POU3F2: variants seen among roughly 807,000 people sequenced by gnomAD.
POU3F2 encodes the protein POU domain, class 3, transcription factor 2.
POU3F2 carries 11 observed loss-of-function variants against 33.1 expected under a neutral mutation model. That is an observed-to-expected ratio of 0.33 (90% CI 0.21 to 0.55). POU3F2 has a LOEUF of 0.55. POU3F2 is among the 20% of genes least tolerant of loss of function. The probability of loss-of-function intolerance (pLI) is 0.91; values close to 1 mark genes in which losing one functional copy is unlikely to be tolerated. For synonymous variants in POU3F2, 332 were observed against 289.6 expected, an observed-to-expected ratio of 1.15 and a Z score of -1.49; for missense variants, 456 against 620.2, an observed-to-expected ratio of 0.74 and a Z score of 2.81.
chr6:98,837,492 G>C lies in POU3F2; in HGVS notation c.*1287G>C, dbSNP rs1204635835. The C allele has an allele frequency of 6.0e-6, 1 of 166,778 alleles. No homozygotes were observed. Among genetic ancestry groups the C allele is most frequent in the Non-Finnish European group, 1.5e-5 (1 of 68,076 alleles). The allele number at this position is 166,778 out of a possible 1,614,324, so 10.3% of individuals were successfully genotyped here. A position where few individuals can be genotyped will look rare whatever the true frequency, so the allele number is the denominator to read the frequency against. The stretch of plus-strand genomic sequence containing the variant: ...TGTATGCATAAGACTGTGTTTTTTA[G>C]CACACAGATACCCACAGCATACACT... On this transcript the variant is annotated 3_prime_UTR_variant, in exon 1 of 1. Transcript: ENST00000328345.
Position 98,836,836 on chromosome 6 carries a change from G to C in POU3F2, c.*631G>C, listed in dbSNP as rs1332022101. On this transcript the variant is annotated 3_prime_UTR_variant, in exon 1 of 1. Transcript: ENST00000328345. ...GTTTTGGGGGATTTTGTTTTGCTTT[G>C]CTTTATTCATCGGAGAGAGTTGAAG... is the stretch of plus-strand genomic sequence containing the variant. The C allele has an allele frequency of 1.8e-5, 3 of 166,980 alleles. No individual in the cohort carries two copies. The highest frequency in any genetic ancestry group is 2.1e-4 in the South Asian group (1 of 4,818). The allele number at this position is 166,980 out of a possible 1,614,324, so 10.3% of individuals were successfully genotyped here. A position where few individuals can be genotyped will look rare whatever the true frequency, so the allele number is the denominator to read the frequency against.
In POU3F2 at chr6:98,837,498, AG is replaced by A. The variant is rs878951070; in HGVS notation, c.*1294del. The A allele has an allele frequency of 6.6e-5, 11 of 167,124 alleles. No individual in the cohort carries two copies. The East Asian group carries it at 9.6e-4, about 15-fold the overall frequency. 10.4% of individuals were successfully genotyped at this position (167,124 alleles called of 1,614,324 possible). A position where few individuals can be genotyped will look rare whatever the true frequency, so the allele number is the denominator to read the frequency against. ...CATAAGACTGTGTTTTTTAGCACACAGATACCCACAGCATACACTGACGATC... is the reference window on the plus strand; with the variant it reads ...CATAAGACTGTGTTTTTTAGCACACAATACCCACAGCATACACTGACGATC... On this transcript the variant is annotated 3_prime_UTR_variant, in exon 1 of 1. Transcript: ENST00000328345.
In POU3F2 at chr6:98,835,671, C is replaced by A; in HGVS notation, c.798C>A (p.Thr266=). 1 of 1,613,544 alleles carries A rather than the reference C, an allele frequency of 6.2e-7. No homozygotes were observed. Among genetic ancestry groups the A allele is most frequent in the South Asian group, 1.1e-5 (1 of 91,084 alleles). ...HDPHSDEDTP[T]SDDLEQFAKQ... The stretch of plus-strand genomic sequence containing the variant: ...CGCACTCGGACGAGGACACGCCGAC[C>A]TCGGACGACCTGGAGCAGTTCGCCA... The change falls in exon 1 of 1, where the codon ACC becomes ACA. Residue 266 remains threonine (T), a synonymous_variant. Transcript: ENST00000328345. The surrounding 1 kb of genome is among the most constrained non-coding windows in gnomAD (Gnocchi z 9.7).
Position 98,835,964 on chromosome 6 carries a change from G to A in POU3F2, c.1091G>A (p.Ser364Asn). 1.2e-6 allele frequency: 2 copies of A among 1,614,196 alleles called. No individual in the cohort carries two copies. The highest frequency in any genetic ancestry group is 1.7e-6 in the Non-Finnish European group (2 of 1,180,028). The part of the protein sequence containing the change: ...KRKKRTSIEV[S>N]VKGALESHFL... ...AAAAAGCGGACCTCCATCGAGGTGA[G>A]CGTCAAGGGGGCTCTGGAGAGCCAT... The change falls in exon 1 of 1, where the codon AGC becomes AAC. Residue 364 changes from serine to asparagine, a missense_variant. Physicochemically the swap from Ser to Asn is conservative, Grantham distance 46. Coordinates refer to ENST00000328345, the MANE Select transcript of POU3F2 (RefSeq NM_005604.4). The surrounding 1 kb of genome is among the most constrained non-coding windows in gnomAD (Gnocchi z 9.7).
Position 98,834,805 on chromosome 6 carries a change from C to T in POU3F2, c.-69C>T, listed in dbSNP as rs1398865746. The stretch of plus-strand genomic sequence containing the variant: ...AAAGAGCGAGCGAGGAGAGGGAGCC[C>T]GAGGCGAAAAAGTAACTGTCAAATG... On this transcript the variant is annotated 5_prime_UTR_variant, in exon 1 of 1. Coordinates refer to ENST00000328345, the MANE Select transcript of POU3F2 (RefSeq NM_005604.4). The T allele has an allele frequency of 3.1e-5, 47 of 1,528,070 alleles. No individual in the cohort carries two copies. Among genetic ancestry groups the T allele is most frequent in the Non-Finnish European group, 4.0e-5 (45 of 1,133,358 alleles). The allele number at this position is 1,528,070 out of a possible 1,614,324, so 94.7% of individuals were successfully genotyped here.
At position 98,834,919 on chromosome 6, in the gene POU3F2, G is replaced by C. The variant is rs768389252; in HGVS notation, c.46G>C (p.Ala16Pro). Residue 16 changes from alanine (A) to proline (P), a missense_variant, in exon 1 of 1, where the codon GCC becomes CCC. By Grantham distance (27) the Ala-to-Pro change is conservative. Around this residue, in one of 6 missense-constraint regions of POU3F2, gnomAD observed 341 missense variants for 382.4 expected, o/e 0.89. Transcript: ENST00000328345. ...CCACTACAGCCTGCTCACCTCCAGC[G>C]CCTCCATCGTGCACGCCGAGCCGCC... ...SNHYSLLTSSASIVHAEPPGG... is the reference protein window; with the variant it reads ...SNHYSLLTSSPSIVHAEPPGG... The C allele has an allele frequency of 3.1e-6, 5 of 1,600,486 alleles. No individual in the cohort carries two copies. The highest frequency in any genetic ancestry group is 1.3e-5 in the African/African-American group (1 of 74,972).
rs1401539715 is a variant in POU3F2, at chr6:98,837,692, A to T, written c.*1487A>T. 1 of 166,982 alleles carries T rather than the reference A, an allele frequency of 6.0e-6. No individual in the cohort carries two copies. Among genetic ancestry groups the T allele is most frequent in the African/African-American group, 2.4e-5 (1 of 41,366 alleles). The allele number at this position is 166,982 out of a possible 1,614,324, so 10.3% of individuals were successfully genotyped here. ...GAAGGCAAATGAAGTGAAAAAAAAA[A>T]ATGCCATTTTCAATCCTTCCTTTCT... is the stretch of plus-strand genomic sequence containing the variant. On this transcript the variant is annotated 3_prime_UTR_variant, in exon 1 of 1. Transcript: ENST00000328345.
At position 98,835,073 on chromosome 6, in the gene POU3F2, ACGGCGGCGGCGGCGGGGGCGGTGG is replaced by A; in HGVS notation, c.210_233del (p.Gly81_Gly88del). 1 of 1,218,292 alleles carries A rather than the reference ACGGCGGCGGCGGCGGGGGCGGTGG, an allele frequency of 8.2e-7. No homozygotes were observed. The highest frequency in any genetic ancestry group is 3.8e-5 in the South Asian group (1 of 26,002). The allele number at this position is 1,218,292 out of a possible 1,614,324, so 75.5% of individuals were successfully genotyped here. ...CACCAGTGGATCACCGCGCTGTCCC[ACGGCGGCGGCGGCGGGGGCGGTGG>A]CGGCGGCGGGGGGGGCGGGGGCGGC... is the stretch of plus-strand genomic sequence containing the variant. On this transcript the variant is annotated inframe_deletion, in exon 1 of 1. Coordinates refer to ENST00000328345, the MANE Select transcript of POU3F2 (RefSeq NM_005604.4). This position sits in a 1 kb window ranked among gnomAD's most constrained non-coding sequence, Gnocchi z 9.7.
In POU3F2 at chr6:98,836,792, C is replaced by A. The variant is rs1187492326; in HGVS notation, c.*587C>A. 1.8e-5 allele frequency: 3 copies of A among 166,976 alleles called. No individual in the cohort carries two copies. The allele number at this position is 166,976 out of a possible 1,614,324, so 10.3% of individuals were successfully genotyped here. A position where few individuals can be genotyped will look rare whatever the true frequency, so the allele number is the denominator to read the frequency against. On this transcript the variant is annotated 3_prime_UTR_variant, in exon 1 of 1. Transcript: ENST00000328345. ...GAGCATATTTTCTCTTTCTCCCCAC[C>A]GTTAATTTGGGAGTTGCCGTTTTGG... is the stretch of plus-strand genomic sequence containing the variant.
In POU3F2 at chr6:98,835,163, C is replaced by A; in HGVS notation, c.290C>A (p.Pro97His). The A allele has an allele frequency of 2.0e-6, 3 of 1,470,450 alleles. No individual in the cohort carries two copies. The highest frequency in any genetic ancestry group is 2.7e-6 in the Non-Finnish European group (3 of 1,115,440). 91.1% of individuals were successfully genotyped at this position (1,470,450 alleles called of 1,614,324 possible). A position where few individuals can be genotyped will look rare whatever the true frequency, so the allele number is the denominator to read the frequency against. Residue 97 changes from proline (P) to histidine (H), a missense_variant, in exon 1 of 1, where the codon CCC becomes CAC. Around this residue, in one of 6 missense-constraint regions of POU3F2, gnomAD observed 341 missense variants for 382.4 expected, o/e 0.89. Transcript: ENST00000328345. The surrounding 1 kb of genome is among the most constrained non-coding windows in gnomAD (Gnocchi z 9.7). ...GGDGSPWSTS[P>H]LGQPDIKPSV... ...GACGGCTCCCCGTGGTCCACCAGCCCCCTGGGCCAGCCGGACATCAAGCCC... is the reference window on the plus strand; with the variant it reads ...GACGGCTCCCCGTGGTCCACCAGCCACCTGGGCCAGCCGGACATCAAGCCC...
Position 98,835,332 on chromosome 6 carries a change from T to C in POU3F2, c.459T>C (p.His153=). 1 of 1,545,682 alleles carries C rather than the reference T, an allele frequency of 6.5e-7. No individual in the cohort carries two copies. The highest frequency in any genetic ancestry group is 8.7e-7 in the Non-Finnish European group (1 of 1,145,828). ...QQQQQQQRPP[H]LVHHAANHHP... is the part of the protein sequence containing the mutation. ...AGCAGCAGCAACAGCGGCCGCCGCA[T>C]CTGGTGCACCACGCCGCTAACCACC... Residue 153 remains histidine, a synonymous_variant, in exon 1 of 1, where the codon CAT becomes CAC. Transcript: ENST00000328345. This position sits in a 1 kb window ranked among gnomAD's most constrained non-coding sequence, Gnocchi z 9.7.
Position 98,835,425 on chromosome 6 carries a change from C to T in POU3F2, c.552C>T (p.Ser184=). ...AAHLPPSMGA[S]NGGLLYSQPS... ...ACCTCCCACCCTCCATGGGAGCGTC[C>T]AACGGCGGCTTGCTCTACTCGCAGC... The change falls in exon 1 of 1, where the codon TCC becomes TCT. Residue 184 remains serine, a synonymous_variant. Transcript: ENST00000328345. The surrounding 1 kb of genome is among the most constrained non-coding windows in gnomAD (Gnocchi z 9.7). 4 of 1,588,364 alleles carry T rather than the reference C, an allele frequency of 2.5e-6. No individual in the cohort carries two copies. The highest frequency in any genetic ancestry group is 3.4e-6 in the Non-Finnish European group (4 of 1,171,766).
In POU3F2 at chr6:98,835,061, C is replaced by T; in HGVS notation, c.188C>T (p.Thr63Ile). 7.8e-7 allele frequency: 1 copy of T among 1,283,132 alleles called. No individual in the cohort carries two copies. Among genetic ancestry groups the T allele is most frequent in the Non-Finnish European group, 9.8e-7 (1 of 1,016,494 alleles). 79.5% of individuals were successfully genotyped at this position (1,283,132 alleles called of 1,614,324 possible). The change falls in exon 1 of 1, where the codon ACC (threonine) becomes ATC (isoleucine). Residue 63 changes from threonine to isoleucine, a missense_variant. Thr to Ile is a moderately conservative substitution (Grantham distance 89). This residue lies in a region of POU3F2 where 341 missense variants were observed against 382.4 expected (regional missense o/e 0.89). Transcript: ENST00000328345. This position sits in a 1 kb window ranked among gnomAD's most constrained non-coding sequence, Gnocchi z 9.7. Reference protein sequence around the residue: ...HPLSHAHQWITALSHGGGGGG... With the variant: ...HPLSHAHQWIIALSHGGGGGG... ...CTCAGCCACGCTCACCAGTGGATCACCGCGCTGTCCCACGGCGGCGGCGGC... is the reference window on the plus strand; with the variant it reads ...CTCAGCCACGCTCACCAGTGGATCATCGCGCTGTCCCACGGCGGCGGCGGC...
In POU3F2 at chr6:98,837,844, C is replaced by G. The variant is rs1042849123; in HGVS notation, c.*1639C>G. ...CTTGTAACTGTATTGAAAATAAATA[C>G]CATTAAACTGTGATCAGTTAAAATT... is the stretch of plus-strand genomic sequence containing the variant. On this transcript the variant is annotated 3_prime_UTR_variant, in exon 1 of 1. Transcript: ENST00000328345. 5 of 166,594 alleles carry G rather than the reference C, an allele frequency of 3.0e-5. No homozygotes were observed. The highest frequency in any genetic ancestry group is 4.8e-5 in the African/African-American group (2 of 41,398). The allele number at this position is 166,594 out of a possible 1,614,324, so 10.3% of individuals were successfully genotyped here.
In POU3F2 at chr6:98,836,181, C is replaced by G; in HGVS notation, c.1308C>G (p.His436Gln). Residue 436 changes from histidine to glutamine, a missense_variant, in exon 1 of 1, where the codon CAC becomes CAG. Coordinates refer to ENST00000328345, the MANE Select transcript of POU3F2 (RefSeq NM_005604.4). ...GGAGTAGGGACACTCCACCACACCA[C>G]GGGGTGCAGACGCCCGTCCAGTGAA... ...YGGSRDTPPH[H>Q]GVQTPVQ The G allele has an allele frequency of 6.3e-7, 1 of 1,583,804 alleles. No individual in the cohort carries two copies. Among genetic ancestry groups the G allele is most frequent in the Non-Finnish European group, 8.5e-7 (1 of 1,172,382 alleles).
rs1408633763 is a variant in POU3F2 at position 98,834,810 on chromosome 6, C to A, written c.-64C>A. On this transcript the variant is annotated 5_prime_UTR_variant, in exon 1 of 1. Coordinates refer to ENST00000328345, the MANE Select transcript of POU3F2 (RefSeq NM_005604.4). ...GCGAGCGAGGAGAGGGAGCCCGAGG[C>A]GAAAAAGTAACTGTCAAATGCGCGG... The A allele has an allele frequency of 3.9e-6, 6 of 1,543,068 alleles. No homozygotes were observed. Among genetic ancestry groups the A allele is most frequent in the South Asian group, 1.1e-5 (1 of 87,984 alleles).
rs1770037423 is a variant in POU3F2, at chr6:98,839,041, CA to C, written c.*2841del. ...TACTGGTCTAATTCACTTTACTTTG[CA>C]AAAACTATCAGTCCCAAATCTTTCA... On this transcript the variant is annotated 3_prime_UTR_variant, in exon 1 of 1. Transcript: ENST00000328345. 1 of 150,982 alleles carries C rather than the reference CA, an allele frequency of 6.6e-6. No homozygotes were observed. Among genetic ancestry groups the C allele is most frequent in the Non-Finnish European group, 1.5e-5 (1 of 67,910 alleles). The allele number at this position is 150,982 out of a possible 1,614,324, so 9.4% of individuals were successfully genotyped here. A position where few individuals can be genotyped will look rare whatever the true frequency, so the allele number is the denominator to read the frequency against.
Position 98,837,593 on chromosome 6 carries a change from C to A in POU3F2, c.*1388C>A, listed in dbSNP as rs1331151718. On this transcript the variant is annotated 3_prime_UTR_variant, in exon 1 of 1. Transcript: ENST00000328345. Reference sequence around the variant, plus strand: ...ATCAAGTCATATTTAGGGTCCCACACCCTCTTTTCCTGTAATTTATTGCAG... The same window carrying A: ...ATCAAGTCATATTTAGGGTCCCACAACCTCTTTTCCTGTAATTTATTGCAG... 1.8e-5 allele frequency: 3 copies of A among 167,114 alleles called. No individual in the cohort carries two copies. The highest frequency in any genetic ancestry group is 4.4e-5 in the Non-Finnish European group (3 of 68,112). 10.4% of individuals were successfully genotyped at this position (167,114 alleles called of 1,614,324 possible). A position where few individuals can be genotyped will look rare whatever the true frequency, so the allele number is the denominator to read the frequency against.
rs1443465072 is a variant in POU3F2, at chr6:98,837,164, G to T, written c.*959G>T. 1 of 167,056 alleles carries T rather than the reference G, an allele frequency of 6.0e-6. No individual in the cohort carries two copies. The highest frequency in any genetic ancestry group is 6.5e-5 in the Admixed American group (1 of 15,282). The allele number at this position is 167,056 out of a possible 1,614,324, so 10.3% of individuals were successfully genotyped here. Reference sequence around the variant, plus strand: ...GGCAGTGTTTCTGGGGGAGGTTATGGAGGGAAGAAAAAAGAAAAATCGATA... The same window carrying T: ...GGCAGTGTTTCTGGGGGAGGTTATGTAGGGAAGAAAAAAGAAAAATCGATA... On this transcript the variant is annotated 3_prime_UTR_variant, in exon 1 of 1. Coordinates refer to ENST00000328345, the MANE Select transcript of POU3F2 (RefSeq NM_005604.4).
Sources: gnomAD v4.1 joint callset for allele counts on GRCh38, gnomAD v4.1.1 for gene constraint, gnomAD v4.1.1 regional missense constraint, Gnocchi (gnomAD v3.1) non-coding constraint, MANE v1.5 for transcripts, NCBI Gene and HGNC (gene_info 2026-07-23, HGNC 2026-07-21) for gene names.